ABCA10: variants seen among roughly 807,000 people sequenced by gnomAD.
The protein encoded by ABCA10 is ATP-binding cassette sub-family A member 10.
ABCA10 carries 169 observed loss-of-function variants against 187.5 expected under a neutral mutation model. The ratio of observed to expected loss-of-function variants is 0.90; its 90% CI spans 0.80 to 1.02. ABCA10 has a LOEUF of 1.02. Ranked by LOEUF, ABCA10 falls within the 50% of genes least tolerant of loss-of-function variation. ABCA10 has a pLI of 0.00. For synonymous variants in ABCA10, 574 were observed against 601.8 expected (o/e 0.95, Z 0.68); for missense variants, 1,727 against 1,812.4 (o/e 0.95, Z 0.86).
chr17:69,155,653 G>C, intron 29 of ABCA10, 152 bp downstream of exon 29: 1 of 1,022,626 alleles, frequency 9.8e-7, no homozygotes, highest in Non-Finnish European at 1.3e-6. Flanking sequence ...GGACAGGGTA[G>C]TTACTTTTAA....
At chr17:69,171,762 C>CA in intron 25 of ABCA10, among the ~76,000 whole-genome samples, 1 of 152,092 alleles carries the variant, frequency 6.6e-6, no homozygotes, top group East Asian at 1.9e-4. Flanking sequence ...ATGTAAGCAA[C>CA]AAGAGAGTGA....
chr17:69,196,393 C>T (rs991724395), intron 11 of ABCA10: 12 of 176,222 alleles, frequency 6.8e-5, no homozygotes, highest in Admixed American at 1.9e-4. Context: ...CGGGCAGGGG[C>T]GCTCCTCACA....
chr17:69,194,014 T>C, intron 12 of ABCA10, 25 bp from the exon 13 acceptor site: 1 of 1,544,572 alleles, frequency 6.5e-7, no homozygotes, highest in Non-Finnish European at 8.8e-7. Flanking sequence ...TTAAAAGGCT[T>C]TACTGCCAGA....
At chr17:69,179,593 G>T (rs2074363400) in intron 22 of ABCA10, among the ~76,000 whole-genome samples, 1 of 150,088 alleles carries the variant, frequency 6.7e-6, no homozygotes, top group Non-Finnish European at 1.5e-5. Flanking sequence ...AAACACTGGG[G>T]AAAAGAAAGG....
Position 69,216,327 on chromosome 17 carries a change from T to C in ABCA10, c.562A>G (p.Ile188Val), listed in dbSNP as rs1233334255. The C allele has an allele frequency of 6.2e-7, 1 of 1,612,988 alleles. No homozygotes were observed. Among genetic ancestry groups the C allele is most frequent in the Non-Finnish European group, 8.5e-7 (1 of 1,179,594 alleles). The part of the protein sequence containing the change: ...LSWGLTYICF[I>V]FIMSIFMALV... ...GCCATAAAAATGGACATAATGAAGA[T>C]GAAGCAAATGTATGTCAATCCCCAG... Residue 188 changes from isoleucine to valine, a missense_variant, in exon 7 of 39, where the codon ATC (isoleucine) becomes GTC (valine). By Grantham distance (29) the Ile-to-Val change is conservative. Coordinates refer to ENST00000690296, the MANE Select transcript of ABCA10 (RefSeq NM_001377321.1).
At chr17:69,184,947 A>C (rs947792385) in intron 20 of ABCA10, among the ~76,000 whole-genome samples, 3 of 150,016 alleles carry the variant, frequency 2.0e-5, no homozygotes, top group Non-Finnish European at 4.4e-5. Context: ...ACACACACAC[A>C]CCTTGGAATA....
chr17:69,186,610 T>C (rs2074423824), intron 19 of ABCA10, among the ~76,000 whole-genome samples: 1 of 152,204 alleles, frequency 6.6e-6, no homozygotes, highest in South Asian at 2.1e-4. Flanking sequence ...CTAAAACCTT[T>C]AATAACTTCC....
At chr17:69,165,195 C>G in intron 25 of ABCA10, 112 bp from the exon 26 acceptor site, 1 of 883,008 alleles carries the variant, frequency 1.1e-6, no homozygotes, top group South Asian at 1.8e-5. Context: ...CAACTTTTAC[C>G]TCACAGATAG....
At chr17:69,197,217 G>A in intron 10 of ABCA10, 95 bp from the exon 11 acceptor site, 1 of 970,684 alleles carries the variant, frequency 1.0e-6, no homozygotes. Flanking sequence ...TCACAGTAAA[G>A]GGTATCACTC....
chr17:69,181,124 GATATAC>G (rs1314716707), intron 22 of ABCA10, among the ~76,000 whole-genome samples: 3 of 152,050 alleles, frequency 2.0e-5, no homozygotes, highest in Non-Finnish European at 4.4e-5. Flanking sequence ...CTTTGGTGGA[GATATAC>G]ATATACATAT....
intron 18 of ABCA10, among the ~76,000 whole-genome samples, chr17:69,189,606 T>A (rs1209384860): frequency 6.6e-6 from 1 of 152,184 alleles, no homozygotes; most frequent in Non-Finnish European, 1.5e-5. Context: ...AGGACCAATG[T>A]CCAGAATGGT....
At position 69,152,195 on chromosome 17, in the gene ABCA10, G is replaced by T. The variant is rs1568047394; in HGVS notation, c.4257-12C>A. On this transcript the variant is annotated splice_polypyrimidine_tract_variant and intron_variant, in intron 35 of 38. Transcript: ENST00000690296. ...TGGAACCAATACACCTAGTTCAGGG[G>T]AAATAAAGAAAAAATACTTGTCTCT... 9 of 1,591,318 alleles carry T rather than the reference G, an allele frequency of 5.7e-6. No homozygotes were observed. Among genetic ancestry groups the T allele is most frequent in the Non-Finnish European group, 7.7e-6 (9 of 1,174,094 alleles).
chr17:69,221,846 G>T lies in ABCA10; in HGVS notation c.249C>A (p.Tyr83Ter). Residue 83 changes from tyrosine to a stop codon, truncating the protein, a stop_gained, in exon 5 of 39, where the codon TAC (tyrosine) becomes TAA (stop). Transcript: ENST00000690296. LOFTEE classifies it high-confidence loss of function. ...HGEIFCYLAK[Y>*]WLKGFVAFQA... ...GAAAAGCTACAAACCCTTTTAGCCA[G>T]TACTTTGCCAAGTAACAAAAAATTT... 1 of 1,613,198 alleles carries T rather than the reference G, an allele frequency of 6.2e-7. No individual in the cohort carries two copies. The highest frequency in any genetic ancestry group is 8.5e-7 in the Non-Finnish European group (1 of 1,179,644).
intron 2 of ABCA10, 135 bp downstream of exon 2, chr17:69,227,010 C>T (rs866608263): frequency 2.0e-5 from 3 of 151,228 alleles, no homozygotes; most frequent in Non-Finnish European, 4.4e-5. Context: ...TTTAGAATCT[C>T]AAATCAACTA....
Position 69,175,506 on chromosome 17 carries a change from A to AT in ABCA10, c.2776dup (p.Ile926AsnfsTer34). On this transcript the variant is annotated frameshift_variant, in exon 23 of 39. Coordinates refer to ENST00000690296, the MANE Select transcript of ABCA10 (RefSeq NM_001377321.1). LOFTEE classifies it high-confidence loss of function. ...ATCTATAAAACCAAGATCCAGCACT[A>AT]TGTCATCCTGAAAGATGAAAACACA... The AT allele has an allele frequency of 6.2e-7, 1 of 1,606,436 alleles. No homozygotes were observed. The highest frequency in any genetic ancestry group is 8.5e-7 in the Non-Finnish European group (1 of 1,176,060).
At chr17:69,166,231 T>C (rs1001002835) in intron 25 of ABCA10, among the ~76,000 whole-genome samples, 2 of 152,100 alleles carry the variant, frequency 1.3e-5, no homozygotes, top group African/African-American at 2.4e-5. Flanking sequence ...AGATCTTTCA[T>C]TGTGTTTAGT....
rs779803453 is a variant in ABCA10 at position 69,187,840 on chromosome 17, CT to C, written c.2170del (p.Arg724GlufsTer42). ...IGKQEKIHVT[R>X]NTGDESEMEQ... The stretch of plus-strand genomic sequence containing the variant: ...CATTTCAGACTCATCTCCAGTATTT[CT>C]TGTCACATGTATTTTCTCTTGTTTC... On this transcript the variant is annotated frameshift_variant, in exon 19 of 39. Transcript: ENST00000690296. 6.2e-7 allele frequency: 1 copy of C among 1,613,788 alleles called. No homozygotes were observed. Among genetic ancestry groups the C allele is most frequent in the Non-Finnish European group, 8.5e-7 (1 of 1,179,726 alleles).
Position 69,225,468 on chromosome 17 carries a change from G to T in ABCA10, c.-110C>A. The T allele has an allele frequency of 9.5e-7, 1 of 1,052,676 alleles. No individual in the cohort carries two copies. Among genetic ancestry groups the T allele is most frequent in the Non-Finnish European group, 1.4e-6 (1 of 703,858 alleles). The allele number at this position is 1,052,676 out of a possible 1,614,324, so 65.2% of individuals were successfully genotyped here. ...AGGAGGTTGTTCAGGAAAACGGGTA[G>T]CTCTGAAGTGTTCCGAAAAGATGCA... On this transcript the variant is annotated 5_prime_UTR_variant, in exon 3 of 39. Transcript: ENST00000690296.
intron 19 of ABCA10, among the ~76,000 whole-genome samples, chr17:69,186,992 G>T (rs189926510): frequency 6.6e-6 from 1 of 152,146 alleles, no homozygotes; most frequent in Admixed American, 6.5e-5. Flanking sequence ...CAAGTTTAAA[G>T]GCCTTATCAA....
Sources: gnomAD v4.1 joint callset for allele counts (sites outside exome capture counted in the v4.1 genomes callset) on GRCh38, gnomAD v4.1.1 for gene constraint, MANE v1.5 for transcripts, NCBI Gene and HGNC (gene_info 2026-07-23, HGNC 2026-07-21) for gene names.